Variants in PRKG1 observed in about 807,000 individuals in gnomAD.
The protein encoded by PRKG1 is cGMP-dependent protein kinase 1.
In PRKG1, 35 loss-of-function variants were observed where a neutral mutation model predicts 88.1. The observed-to-expected ratio is 0.40, with a 90% confidence interval of 0.30 to 0.53. The LOEUF (loss-of-function observed/expected upper bound fraction) is 0.53. Among genes scored for constraint, PRKG1 ranks in the 20% least tolerant of loss-of-function variants. The pLI is 0.59. For synonymous variants in PRKG1, 303 were observed against 292.5 expected, an observed-to-expected ratio of 1.04 and a Z score of -0.37; for missense variants, 540 against 839.8, an observed-to-expected ratio of 0.64 and a Z score of 4.41.
chr10:51,123,965 A>G (rs945102898), intron 1 of PRKG1, among the ~76,000 whole-genome samples: 1 of 152,082 alleles, frequency 6.6e-6, no homozygotes, highest in African/African-American at 2.4e-5. Context: ...TGAGGACAGC[A>G]CCAAGAGAAT....
In PRKG1 at chr10:51,174,676, G is replaced by A. The variant is rs117260035; in HGVS notation, c.478+21346G>A. Among the ~76,000 whole-genome samples the A allele has an allele frequency of 1.6e-3, 245 of 152,106 alleles. 1 individual carries two copies. The highest frequency in any genetic ancestry group is 6.8e-3 in the Middle Eastern group (2 of 294). On this transcript the variant is annotated intron_variant, in intron 2 of 17. Transcript: ENST00000373980. ...CCGTTGTGGTGCACCCCTGGGTATG[G>A]TCTTAAAGAACTGCTTAATCATATT...
chr10:52,120,071 G>A (rs185037070), intron 7 of PRKG1, among the ~76,000 whole-genome samples: 1 of 152,016 alleles, frequency 6.6e-6, no homozygotes, highest in African/African-American at 2.4e-5. Context: ...GAGAGAAAGA[G>A]GGAGAGAGAC....
chr10:51,698,596 G>T (rs370688838), intron 3 of PRKG1: 1 of 1,613,822 alleles, frequency 6.2e-7, no homozygotes, highest in South Asian at 1.1e-5. Context: ...CAGGAGTCAC[G>T]GGTCCGCGAG....
intron 3 of PRKG1, among the ~76,000 whole-genome samples, chr10:51,705,495 C>G (rs1841583524): frequency 6.6e-6 from 1 of 152,096 alleles, no homozygotes; most frequent in Admixed American, 6.5e-5. Flanking sequence ...TGATAACAGT[C>G]TTATGAAGTA....
intron 6 of PRKG1, among the ~76,000 whole-genome samples, chr10:52,059,784 G>C (rs1200985513): frequency 6.6e-6 from 1 of 151,730 alleles, no homozygotes; most frequent in African/African-American, 2.4e-5. Flanking sequence ...TATGATAGAA[G>C]TAAATTTTAC....
intron 2 of PRKG1, among the ~76,000 whole-genome samples, chr10:51,165,930 T>C (rs1846526085): frequency 1.3e-5 from 2 of 152,164 alleles, no homozygotes; most frequent in African/African-American, 2.4e-5. Flanking sequence ...GTTTAATTAA[T>C]AGCCTATTGT....
chr10:51,550,535 A>G (rs1837102603), intron 3 of PRKG1, among the ~76,000 whole-genome samples: 1 of 152,026 alleles, frequency 6.6e-6, no homozygotes, highest in South Asian at 2.1e-4. Context: ...TAAACCTCTT[A>G]GAGATACAAA....
At chr10:51,550,091 A>G (rs1386608021) in intron 3 of PRKG1, among the ~76,000 whole-genome samples, 1 of 152,142 alleles carries the variant, frequency 6.6e-6, no homozygotes, top group African/African-American at 2.4e-5. Context: ...TCAAATGCAC[A>G]CGAATACCAT....
chr10:51,493,035 G>C (rs1373131220), intron 3 of PRKG1, among the ~76,000 whole-genome samples: 2 of 151,966 alleles, frequency 1.3e-5, no homozygotes, highest in Non-Finnish European at 2.9e-5. Flanking sequence ...CTAAGAAATA[G>C]CTCCCATTTC....
At chr10:52,089,352 G>A (rs192256752) in intron 7 of PRKG1, among the ~76,000 whole-genome samples, 288 of 152,254 alleles carry the variant, frequency 1.9e-3, no homozygotes, top group African/African-American at 6.7e-3. Context: ...CTGTCTTCTT[G>A]AATTACATTT....
chr10:51,303,845 G>C (rs1200575913), intron 2 of PRKG1, among the ~76,000 whole-genome samples: 1 of 151,860 alleles, frequency 6.6e-6, no homozygotes. Flanking sequence ...ATTTGAGACA[G>C]AGTCTCACTC....
intron 3 of PRKG1, among the ~76,000 whole-genome samples, chr10:51,695,147 C>T (rs560153293): frequency 1.2e-4 from 18 of 152,058 alleles, no homozygotes; most frequent in South Asian, 4.1e-4. Context: ...TGGAAGTGGA[C>T]GTAAAAAGTG....
At chr10:51,301,665 GT>G (rs2132240823) in intron 2 of PRKG1, among the ~76,000 whole-genome samples, 1 of 152,346 alleles carries the variant, frequency 6.6e-6, no homozygotes, top group African/African-American at 2.4e-5. Flanking sequence ...AGGGATGGCA[GT>G]CAATGGAAGC....
intron 3 of PRKG1, among the ~76,000 whole-genome samples, chr10:51,688,251 T>G (rs1180579485): frequency 6.6e-6 from 1 of 152,120 alleles, no homozygotes; most frequent in African/African-American, 2.4e-5. Flanking sequence ...GGCACCTAGA[T>G]TCTGCATTTC....
intron 9 of PRKG1, among the ~76,000 whole-genome samples, chr10:52,209,725 C>G (rs1440588764): frequency 6.6e-6 from 1 of 152,086 alleles, no homozygotes; most frequent in Admixed American, 6.5e-5. Context: ...AGCGGCAGCA[C>G]CATCCATCCC....
chr10:52,194,049 A>G (rs1047065396), intron 9 of PRKG1, among the ~76,000 whole-genome samples: 20 of 152,004 alleles, frequency 1.3e-4, no homozygotes, highest in African/African-American at 4.8e-4. Context: ...GTAATAAATA[A>G]CTAGTTCTTT....
chr10:51,330,651 G>A (rs1255563677), intron 2 of PRKG1, among the ~76,000 whole-genome samples: 2 of 151,358 alleles, frequency 1.3e-5, no homozygotes, highest in East Asian at 3.9e-4. Context: ...ATTTTGTATT[G>A]TTTTCTTCCA....
intron 2 of PRKG1, among the ~76,000 whole-genome samples, chr10:51,462,972 C>T (rs553839566): frequency 1.3e-5 from 2 of 152,202 alleles, no homozygotes; most frequent in South Asian, 2.1e-4. Flanking sequence ...TAAATTACCA[C>T]ATTTGGGTTA....
intron 2 of PRKG1, among the ~76,000 whole-genome samples, chr10:51,218,523 A>ATC (rs1202979088): frequency 8.1e-6 from 1 of 122,934 alleles, no homozygotes; most frequent in Non-Finnish European, 1.7e-5. Flanking sequence ...ATATATATAT[A>ATC]TATATATAAA....
Sources: allele counts gnomAD v4.1 joint callset (sites outside exome capture counted in the v4.1 genomes callset), GRCh38; gene constraint gnomAD v4.1.1; transcripts MANE v1.5; gene names NCBI Gene and HGNC (gene_info 2026-07-23, HGNC 2026-07-21).